The following YME1L1 variants were observed in gnomAD, a reference collection of about 807,000 sequenced individuals.
YME1L1 encodes the protein ATP-dependent zinc metalloprotease YME1L1.
Under a neutral mutation model 90.4 loss-of-function variants are expected in YME1L1, and 39 were observed. The ratio of observed to expected loss-of-function variants is 0.43; its 90% CI spans 0.33 to 0.56. The LOEUF (loss-of-function observed/expected upper bound fraction) is 0.56. Among genes scored for constraint, YME1L1 ranks in the 20% least tolerant of loss-of-function variants. YME1L1 has a pLI of 0.03. For missense variants in YME1L1, 617 were observed against 868.4 expected, an observed-to-expected ratio of 0.71 and a Z score of 3.64; for synonymous variants, 284 against 287.3, an observed-to-expected ratio of 0.99 and a Z score of 0.12.
chr10:27,139,905 T>C (rs2057068889), intron 4 of YME1L1, among the ~76,000 whole-genome samples: 1 of 152,262 alleles, frequency 6.6e-6, no homozygotes, highest in African/African-American at 2.4e-5. Flanking sequence ...TTTGGTTTAA[T>C]TAAAACTATT....
chr10:27,146,525 AG>A (rs963609481), intron 2 of YME1L1: 4 of 152,192 alleles, frequency 2.6e-5, no homozygotes, highest in African/African-American at 9.7e-5. Flanking sequence ...TGAGGCCAGG[AG>A]TTTGAGACCA....
intron 8 of YME1L1, among the ~76,000 whole-genome samples, chr10:27,130,098 C>G (rs1403816802): frequency 6.6e-6 from 1 of 152,248 alleles, no homozygotes; most frequent in Non-Finnish European, 1.5e-5. Flanking sequence ...TGCTACTCCA[C>G]TAACATTGCT....
chr10:27,112,068 T>G lies in YME1L1; in HGVS notation c.2060A>C (p.Lys687Thr), dbSNP rs758233530. The G allele has an allele frequency of 6.2e-7, 1 of 1,614,104 alleles. No homozygotes were observed. The highest frequency in any genetic ancestry group is 8.5e-7 in the Non-Finnish European group (1 of 1,179,998). ...HILKTHAKEH[K>T]NLAEALLTYE... is the part of the protein sequence containing the mutation. The stretch of plus-strand genomic sequence containing the variant: ...GGTCAATAAAGCTTCTGCGAGATTC[T>G]TATGCTCCTTTGCATGAGTTTTCAA... Residue 687 changes from lysine (K) to threonine (T), a missense_variant, in exon 19 of 19, where the codon AAG becomes ACG. By Grantham distance (78) the Lys-to-Thr change is moderately conservative. Around this residue, in one of 4 missense-constraint regions of YME1L1, gnomAD observed 212 missense variants for 330.0 expected, o/e 0.64. Coordinates refer to ENST00000376016, the MANE Select transcript of YME1L1 (RefSeq NM_014263.4).
intron 18 of YME1L1, among the ~76,000 whole-genome samples, chr10:27,112,348 A>G (rs2056767225): frequency 6.6e-6 from 1 of 152,024 alleles, no homozygotes; most frequent in South Asian, 2.1e-4. Flanking sequence ...CTTCTATAAC[A>G]CTCTCTAAAC....
intron 11 of YME1L1, among the ~76,000 whole-genome samples, chr10:27,122,031 C>T (rs565199221): frequency 5.9e-5 from 9 of 152,218 alleles, no homozygotes; most frequent in South Asian, 4.1e-4. Context: ...CTACTGTGCC[C>T]GGTGACTGTT....
chr10:27,143,591 G>A (rs1301218922), intron 3 of YME1L1, among the ~76,000 whole-genome samples: 6 of 150,130 alleles, frequency 4.0e-5, no homozygotes, highest in East Asian at 2.0e-4. Flanking sequence ...CCAGCTGCTC[G>A]GGAGGCTGAG....
rs760540455 is a variant in YME1L1, at chr10:27,148,893, G to C, written c.168+13C>G. 1 of 1,613,280 alleles carries C rather than the reference G, an allele frequency of 6.2e-7. No individual in the cohort carries two copies. The highest frequency in any genetic ancestry group is 1.3e-5 in the African/African-American group (1 of 74,962). On this transcript the variant is annotated intron_variant, in intron 2 of 18. Transcript: ENST00000376016. ...CAAAAAGGCTTTCTCACACAACCAG[G>C]ATAAAGACTTACCTCACTGCTGGGA...
chr10:27,143,528 T>C (rs1204675512), intron 3 of YME1L1, among the ~76,000 whole-genome samples: 1 of 151,058 alleles, frequency 6.6e-6, no homozygotes, highest in East Asian at 2.0e-4. Flanking sequence ...TGAAACCTCG[T>C]CTCTACTAAA....
At chr10:27,115,688 T>C (rs2056805720) in intron 17 of YME1L1, among the ~76,000 whole-genome samples, 1 of 152,100 alleles carries the variant, frequency 6.6e-6, no homozygotes, top group Non-Finnish European at 1.5e-5. Flanking sequence ...TAGAAATCCA[T>C]AATTCACAGA....
chr10:27,122,053 T>C (rs754195466), intron 11 of YME1L1, among the ~76,000 whole-genome samples: 7 of 152,100 alleles, frequency 4.6e-5, no homozygotes, highest in Non-Finnish European at 8.8e-5. Flanking sequence ...TTATTTTTAG[T>C]AGAGATAGGG....
At chr10:27,119,802 T>C (rs2056848225) in intron 13 of YME1L1, among the ~76,000 whole-genome samples, 1 of 143,584 alleles carries the variant, frequency 7.0e-6, no homozygotes, top group Admixed American at 7.0e-5. Flanking sequence ...AGGGCAAAAC[T>C]CTTGTCTCAA....
Position 27,112,042 on chromosome 10 carries a change from A to G in YME1L1, c.2086T>C (p.Tyr696His), listed in dbSNP as rs2056763829. 1 of 1,613,982 alleles carries G rather than the reference A, an allele frequency of 6.2e-7. No homozygotes were observed. The highest frequency in any genetic ancestry group is 1.7e-5 in the Admixed American group (1 of 59,998). ...HKNLAEALLT[Y>H]ETLDAKEIQI... ...ATCTCTTTGGCATCCAAAGTCTCAT[A>G]GGTCAATAAAGCTTCTGCGAGATTC... The change falls in exon 19 of 19, where the codon TAT (tyrosine) becomes CAT (histidine). Residue 696 changes from tyrosine (Y) to histidine (H), a missense_variant. Physicochemically the swap from Tyr to His is moderately conservative, Grantham distance 83 (BLOSUM62 2). Coordinates refer to ENST00000376016, the MANE Select transcript of YME1L1 (RefSeq NM_014263.4).
intron 1 of YME1L1, among the ~76,000 whole-genome samples, chr10:27,150,319 A>G (rs1442370930): frequency 6.6e-6 from 1 of 152,170 alleles, no homozygotes; most frequent in Non-Finnish European, 1.5e-5. Context: ...TAATCCTCAA[A>G]CAGCTATAAT....
chr10:27,145,302 A>AC, intron 3 of YME1L1, 126 bp downstream of exon 3: 5 of 674,234 alleles, frequency 7.4e-6, no homozygotes, highest in Non-Finnish European at 1.0e-5. Context: ...AAAAAAAAAC[A>AC]AAAAAAAAAC....
In YME1L1 at chr10:27,119,309, C is replaced by T; in HGVS notation, c.1552G>A (p.Asp518Asn). ...VTMKELEFSK[D>N]KILMGPERRS... ...GGAAACCTACCCATTAGAATTTTGT[C>T]TTTGGAAAACTCCAGCTCCTTCATG... The change falls in exon 14 of 19, where the codon GAC (aspartate) becomes AAC (asparagine). Residue 518 changes from aspartate (D) to asparagine (N), a missense_variant. This residue lies in a region of YME1L1 where 212 missense variants were observed against 330.0 expected (regional missense o/e 0.64). Transcript: ENST00000376016. 1 of 1,598,302 alleles carries T rather than the reference C, an allele frequency of 6.3e-7. No homozygotes were observed. The highest frequency in any genetic ancestry group is 8.5e-7 in the Non-Finnish European group (1 of 1,175,856).
intron 11 of YME1L1, 77 bp downstream of exon 11, chr10:27,122,764 T>C (rs533673667): frequency 1.3e-6 from 2 of 1,569,408 alleles, no homozygotes; most frequent in African/African-American, 2.7e-5. Flanking sequence ...TGGAAATAAT[T>C]TGCATAAGAT....
At chr10:27,116,536 C>G (rs2056815153) in intron 15 of YME1L1, among the ~76,000 whole-genome samples, 191 bp from the exon 16 acceptor site, 1 of 152,050 alleles carries the variant, frequency 6.6e-6, no homozygotes, top group Admixed American at 6.5e-5. Flanking sequence ...CATGGTGGTG[C>G]ATGGCTATAA....
At chr10:27,119,958 A>G (rs2056849765) in intron 13 of YME1L1, among the ~76,000 whole-genome samples, 1 of 152,204 alleles carries the variant, frequency 6.6e-6, no homozygotes, top group South Asian at 2.1e-4. Context: ...GGAAACATGT[A>G]TAGTTTAATG....
intron 8 of YME1L1, among the ~76,000 whole-genome samples, chr10:27,128,988 A>C (rs1247855778): frequency 1.3e-5 from 2 of 148,326 alleles, no homozygotes; most frequent in African/African-American, 4.9e-5. Context: ...AGGGAGGTTA[A>C]GGCAGGAGTA....
Sources: gnomAD v4.1 joint callset for allele counts (sites outside exome capture counted in the v4.1 genomes callset) on GRCh38, gnomAD v4.1.1 for gene constraint, gnomAD v4.1.1 regional missense constraint, MANE v1.5 for transcripts, NCBI Gene and HGNC (gene_info 2026-07-23, HGNC 2026-07-21) for gene names.